The following TSHZ2 variants were observed in gnomAD, a reference collection of about 807,000 sequenced individuals.
The protein encoded by TSHZ2 is teashirt homolog 2.
A neutral mutation model predicts 74.4 loss-of-function variants in TSHZ2; 21 were observed. The observed-to-expected ratio is 0.28, with a 90% CI of 0.20 to 0.41. The LOEUF (loss-of-function observed/expected upper bound fraction) is 0.41, where lower values mean the gene tolerates loss of function less well. TSHZ2 is among the 10% of genes least tolerant of loss of function. The pLI is 1.00. For missense variants in TSHZ2, 1,244 were observed against 1,293.5 expected (o/e 0.96, Z 0.59); for synonymous variants, 540 against 515.3 (o/e 1.05, Z -0.65).
chr20:53,331,667 A>C (rs1979728034), intron 2 of TSHZ2, among the ~76,000 whole-genome samples: 1 of 152,166 alleles, frequency 6.6e-6, no homozygotes, highest in South Asian at 2.1e-4. Flanking sequence ...CCAGATGATG[A>C]ATATTCACTG....
chr20:53,178,823 A>T (rs971305538), intron 1 of TSHZ2: 1 of 152,228 alleles, frequency 6.6e-6, no homozygotes, highest in African/African-American at 2.4e-5. Flanking sequence ...CAAATGATAG[A>T]TGCAGAATTT....
intron 1 of TSHZ2, among the ~76,000 whole-genome samples, chr20:53,222,226 A>T (rs1296126618): frequency 6.6e-6 from 1 of 151,168 alleles, no homozygotes; most frequent in African/African-American, 2.4e-5. Flanking sequence ...CTGACAAATG[A>T]CTTTAGAATT....
intron 1 of TSHZ2, among the ~76,000 whole-genome samples, chr20:53,014,391 T>C (rs774201251): frequency 6.6e-6 from 1 of 152,140 alleles, no homozygotes; most frequent in South Asian, 2.1e-4. Context: ...ATTCAGTCGA[T>C]AGCAGCATGT....
At chr20:53,302,596 C>G (rs527961216) in intron 2 of TSHZ2, among the ~76,000 whole-genome samples, 1 of 152,236 alleles carries the variant, frequency 6.6e-6, no homozygotes, top group East Asian at 1.9e-4. Context: ...CAGTGTTTCT[C>G]GAACCCTCTT....
chr20:53,181,800 A>G (rs1485188892), intron 1 of TSHZ2, among the ~76,000 whole-genome samples: 1 of 152,178 alleles, frequency 6.6e-6, no homozygotes, highest in African/African-American at 2.4e-5. Flanking sequence ...AGGCAGGAGA[A>G]TGGCGTGAAC....
intron 2 of TSHZ2, among the ~76,000 whole-genome samples, chr20:53,383,156 G>T (rs969076855): frequency 1.3e-5 from 2 of 151,986 alleles, no homozygotes; most frequent in East Asian, 3.9e-4. Context: ...CCAGCTACTC[G>T]GGAGGCTGAG....
intron 1 of TSHZ2, among the ~76,000 whole-genome samples, chr20:53,184,578 C>A (rs1988558149): frequency 6.6e-6 from 1 of 152,184 alleles, no homozygotes; most frequent in Non-Finnish European, 1.5e-5. Flanking sequence ...GTGCCTACTT[C>A]CAGAACATTC....
In TSHZ2 at chr20:53,095,550, G is replaced by A. The variant is rs187136247; in HGVS notation, c.40+122217G>A. On this transcript the variant is annotated intron_variant, in intron 1 of 2. Coordinates refer to ENST00000371497, the MANE Select transcript of TSHZ2 (RefSeq NM_173485.6). The stretch of plus-strand genomic sequence containing the variant: ...GAATAGGTGGCAGGGAACAACAACA[G>A]CAGCAACAATAATAAATTTCTGTTA... Among the ~76,000 whole-genome samples the A allele has an allele frequency of 1.4e-4, 22 of 152,228 alleles. No individual in the cohort carries two copies. The East Asian group carries it at 3.9e-3, about 27-fold the overall frequency.
rs950218045 is a variant in TSHZ2 at position 53,080,643 on chromosome 20, G to T, written c.40+107310G>T. Among the ~76,000 whole-genome samples, 4 of 152,142 alleles carry T rather than the reference G, an allele frequency of 2.6e-5. No homozygotes were observed. In the East Asian group the frequency reaches 7.7e-4, roughly 29 times the overall value. On this transcript the variant is annotated intron_variant, in intron 1 of 2. Coordinates refer to ENST00000371497, the MANE Select transcript of TSHZ2 (RefSeq NM_173485.6). ...CCTCGCATACACAGTTCACAACAGGGTTCGTACTCCTATGAAAATCGAATG... is the reference window on the plus strand; with the variant it reads ...CCTCGCATACACAGTTCACAACAGGTTTCGTACTCCTATGAAAATCGAATG...
intron 2 of TSHZ2, among the ~76,000 whole-genome samples, chr20:53,402,855 A>G (rs1419948844): frequency 6.6e-6 from 1 of 152,206 alleles, no homozygotes; most frequent in Admixed American, 6.5e-5. Flanking sequence ...ACTCAGCCAC[A>G]TCAAACCGAA....
At chr20:53,358,141 A>G (rs1980913311) in intron 2 of TSHZ2, among the ~76,000 whole-genome samples, 1 of 152,008 alleles carries the variant, frequency 6.6e-6, no homozygotes, top group African/African-American at 2.4e-5. Flanking sequence ...AGACAAAAGC[A>G]AGGATTTTCT....
At chr20:53,183,925 T>A (rs1315119542) in intron 1 of TSHZ2, among the ~76,000 whole-genome samples, 1 of 152,116 alleles carries the variant, frequency 6.6e-6, no homozygotes, top group Non-Finnish European at 1.5e-5. Flanking sequence ...GTGGCTCCAG[T>A]CTCCCCGTTG....
intron 2 of TSHZ2, among the ~76,000 whole-genome samples, chr20:53,340,510 A>C (rs923857087): frequency 1.3e-5 from 2 of 152,194 alleles, no homozygotes; most frequent in African/African-American, 2.4e-5. Context: ...TTTTCAAAAA[A>C]TTATTGCACA....
intron 2 of TSHZ2, among the ~76,000 whole-genome samples, chr20:53,364,056 GA>G (rs1188856670): frequency 6.6e-6 from 1 of 152,218 alleles, no homozygotes; most frequent in Non-Finnish European, 1.5e-5. Context: ...AGAAACAGGA[GA>G]GGGGAAGAAG....
Position 53,401,975 on chromosome 20 carries a change from G to C in TSHZ2, c.*9-85169G>C, listed in dbSNP as rs549433344. 2.0e-5 allele frequency among the ~76,000 whole-genome samples: 3 copies of C among 151,882 alleles called. No individual in the cohort carries two copies. The East Asian group carries it at 5.8e-4, about 30-fold the overall frequency. ...TTTTTTGTATTTTTTAGTACAGATG[G>C]GGTTTCATCGTGTTAACCAGGATGG... On this transcript the variant is annotated intron_variant, in intron 2 of 2. Transcript: ENST00000371497.
At chr20:53,098,969 G>A (rs6097231) in intron 1 of TSHZ2, among the ~76,000 whole-genome samples, 11,214 of 152,190 alleles carry the variant, frequency 0.074, 953 homozygotes, top group African/African-American at 0.21. Context: ...ATTTTCATAT[G>A]GTTAAGTCTT....
intron 1 of TSHZ2, among the ~76,000 whole-genome samples, chr20:53,085,255 C>T (rs556823110): frequency 1.4e-4 from 22 of 152,156 alleles, no homozygotes; most frequent in Non-Finnish European, 1.9e-4. Context: ...ATCCCAGCTA[C>T]TCGGGAGGCT....
intron 1 of TSHZ2, among the ~76,000 whole-genome samples, chr20:53,165,601 G>T (rs1236339385): frequency 2.8e-4 from 42 of 152,188 alleles, no homozygotes; most frequent in Admixed American, 2.7e-3. Context: ...TACTAATGTG[G>T]TTAACTGTTT....
At chr20:53,363,658 T>C (rs1373987616) in intron 2 of TSHZ2, among the ~76,000 whole-genome samples, 2 of 152,162 alleles carry the variant, frequency 1.3e-5, no homozygotes, top group African/African-American at 2.4e-5. Flanking sequence ...GATAGAAACA[T>C]CTTTTGTGAC....
Sources: allele counts gnomAD v4.1 joint callset (sites outside exome capture counted in the v4.1 genomes callset), GRCh38; gene constraint gnomAD v4.1.1; transcripts MANE v1.5; gene names NCBI Gene and HGNC (gene_info 2026-07-23, HGNC 2026-07-21).